FAXC: variants seen among roughly 807,000 people sequenced by gnomAD.
FAXC encodes failed axon connections homolog.
FAXC carries 10 observed loss-of-function variants against 41.9 expected under a neutral mutation model. The observed-to-expected ratio is 0.24, with a 90% CI of 0.15 to 0.41. The LOEUF is 0.41. FAXC is among the 10% of genes least tolerant of loss of function. The pLI is 1.00. For missense variants in FAXC, 399 were observed against 510.9 expected, an observed-to-expected ratio of 0.78 and a Z score of 2.11; for synonymous variants, 183 against 183.8, an observed-to-expected ratio of 1.00 and a Z score of 0.03.
At chr6:99,311,078 T>C (rs1772135862) in intron 4 of FAXC, among the ~76,000 whole-genome samples, 1 of 152,222 alleles carries the variant, frequency 6.6e-6, no homozygotes, top group Admixed American at 6.5e-5. Flanking sequence ...GTTCAAAGCA[T>C]AGATTTAGTA....
chr6:99,271,670 G>C lies in FAXC; in HGVS notation c.*9494C>G, dbSNP rs1325874447. On this transcript the variant is annotated 3_prime_UTR_variant, in exon 6 of 6. Transcript: ENST00000389677. ...AACACTTCTGGTCCCAAGCACTTCA[G>C]ATAAGAGATACTCAATCAGTATTAT... is the stretch of plus-strand genomic sequence containing the variant. 1.3e-5 allele frequency: 2 copies of C among 152,170 alleles called. No individual in the cohort carries two copies. The highest frequency in any genetic ancestry group is 4.8e-5 in the African/African-American group (2 of 41,442). The allele number at this position is 152,170 out of a possible 1,614,324, so 9.4% of individuals were successfully genotyped here.
At chr6:99,318,304 C>CA (rs748610778) in intron 4 of FAXC, among the ~76,000 whole-genome samples, 3 of 104,036 alleles carry the variant, frequency 2.9e-5, no homozygotes, top group East Asian at 2.7e-4. Context: ...CACACACACA[C>CA]ACAAAATAGA....
intron 5 of FAXC, chr6:99,284,280 C>T (rs985860492): frequency 3.9e-5 from 6 of 152,296 alleles, no homozygotes; most frequent in African/African-American, 9.6e-5. Context: ...GGTGCCACCC[C>T]TTAATGGCAA....
intron 4 of FAXC, among the ~76,000 whole-genome samples, chr6:99,308,992 C>G (rs576777027): frequency 2.0e-5 from 3 of 152,270 alleles, no homozygotes; most frequent in Admixed American, 2.0e-4. Flanking sequence ...CAGGTCATCA[C>G]TTATCTGTAA....
intron 2 of FAXC, 72 bp downstream of exon 2, chr6:99,342,826 T>TC (rs1185162231): frequency 4.7e-5 from 68 of 1,441,352 alleles, no homozygotes; most frequent in Admixed American, 1.1e-4. Flanking sequence ...GACGAAATAT[T>TC]CCCCCCTTTA....
chr6:99,295,941 T>C (rs1162478163), intron 4 of FAXC, among the ~76,000 whole-genome samples: 1 of 152,202 alleles, frequency 6.6e-6, no homozygotes. Flanking sequence ...CAAATATTAC[T>C]GTAGTGTTTG....
chr6:99,275,269 A>G lies in FAXC; in HGVS notation c.*5895T>C, dbSNP rs1165842447. ...ACATATATTGCTTTATGGTTAGTGGATTGTTTCAAAAATGCATGATGGCCA... is the reference window on the plus strand; with the variant it reads ...ACATATATTGCTTTATGGTTAGTGGGTTGTTTCAAAAATGCATGATGGCCA... On this transcript the variant is annotated 3_prime_UTR_variant, in exon 6 of 6. Coordinates refer to ENST00000389677, the MANE Select transcript of FAXC (RefSeq NM_032511.4). 1 of 152,130 alleles carries G rather than the reference A, an allele frequency of 6.6e-6. No individual in the cohort carries two copies. The allele number at this position is 152,130 out of a possible 1,614,324, so 9.4% of individuals were successfully genotyped here.
chr6:99,293,880 C>T (rs892084462), intron 4 of FAXC, among the ~76,000 whole-genome samples: 2 of 152,036 alleles, frequency 1.3e-5, no homozygotes, highest in South Asian at 2.1e-4. Flanking sequence ...CCCCTTTCAC[C>T]GTTCTTGAGT....
chr6:99,315,819 T>C (rs1342024143), intron 4 of FAXC, among the ~76,000 whole-genome samples: 1 of 152,198 alleles, frequency 6.6e-6, no homozygotes, highest in Admixed American at 6.5e-5. Flanking sequence ...TATTCACTCA[T>C]CCAGCAGATA....
rs112209763 is a variant in FAXC at position 99,330,772 on chromosome 6, G to A, written c.599+2579C>T. ...CTGTTAGAATTTAACAAGATATCACGGAAAGCTCATACCTATAATATTTTC... is the reference window on the plus strand; with the variant it reads ...CTGTTAGAATTTAACAAGATATCACAGAAAGCTCATACCTATAATATTTTC... On this transcript the variant is annotated intron_variant, in intron 3 of 5. Coordinates refer to ENST00000389677, the MANE Select transcript of FAXC (RefSeq NM_032511.4). Among the ~76,000 whole-genome samples, 1,130 of 152,240 alleles carry A rather than the reference G, an allele frequency of 7.4e-3. 11 individuals are homozygous for A. Among genetic ancestry groups the A allele is most frequent in the Non-Finnish European group, 0.01 (703 of 68,016 alleles).
intron 5 of FAXC, among the ~76,000 whole-genome samples, chr6:99,284,598 T>TGTGTGTGA (rs34495212): frequency 0.073 from 10,401 of 142,794 alleles, 485 homozygotes; most frequent in African/African-American, 0.096. Context: ...TGTGTGTGTG[T>TGTGTGTGA]GATAAGCCTG....
chr6:99,285,243 T>C (rs755541740), intron 5 of FAXC, among the ~76,000 whole-genome samples: 5 of 152,158 alleles, frequency 3.3e-5, no homozygotes, highest in Non-Finnish European at 5.9e-5. Flanking sequence ...TAAAGATATA[T>C]GTACATGGAT....
intron 4 of FAXC, among the ~76,000 whole-genome samples, chr6:99,297,571 A>G (rs1771545845): frequency 6.6e-6 from 1 of 152,176 alleles, no homozygotes; most frequent in Non-Finnish European, 1.5e-5. Flanking sequence ...CATACGCAGC[A>G]TAACTGAGGA....
intron 4 of FAXC, among the ~76,000 whole-genome samples, chr6:99,313,830 C>T (rs1454762407): frequency 1.3e-5 from 2 of 152,168 alleles, no homozygotes; most frequent in African/African-American, 2.4e-5. Flanking sequence ...CCACTGATCA[C>T]GGCTGCCTTT....
At chr6:99,334,185 T>C (rs766268717) in intron 2 of FAXC, among the ~76,000 whole-genome samples, 2 of 152,186 alleles carry the variant, frequency 1.3e-5, no homozygotes, top group Non-Finnish European at 2.9e-5. Context: ...TGACAAGTTG[T>C]CATTGGTAGA....
intron 4 of FAXC, among the ~76,000 whole-genome samples, chr6:99,319,430 C>G (rs1303633529): frequency 1.3e-5 from 2 of 151,626 alleles, no homozygotes; most frequent in African/African-American, 2.4e-5. Context: ...AAAGCAAACC[C>G]TCCAACTGTC....
At chr6:99,321,907 C>T (rs762358878) in intron 4 of FAXC, among the ~76,000 whole-genome samples, 1 of 152,168 alleles carries the variant, frequency 6.6e-6, no homozygotes, top group Non-Finnish European at 1.5e-5. Context: ...ATTCCAGGGG[C>T]TCAATTCCTT....
At chr6:99,286,996 G>A (rs1024967172) in intron 5 of FAXC, among the ~76,000 whole-genome samples, 7 of 152,194 alleles carry the variant, frequency 4.6e-5, no homozygotes, top group Admixed American at 6.5e-5. Context: ...AGTAATTACC[G>A]AGCAAGAAAT....
intron 4 of FAXC, among the ~76,000 whole-genome samples, chr6:99,322,410 T>C (rs1388063791): frequency 6.6e-6 from 1 of 152,160 alleles, no homozygotes; most frequent in Non-Finnish European, 1.5e-5. Context: ...TGGCTTCCAG[T>C]TCCTAAGGCA....
Sources: allele counts gnomAD v4.1 joint callset (sites outside exome capture counted in the v4.1 genomes callset), GRCh38; gene constraint gnomAD v4.1.1; transcripts MANE v1.5; gene names NCBI Gene and HGNC (gene_info 2026-07-23, HGNC 2026-07-21).